PITPNA: variants seen among roughly 807,000 people sequenced by gnomAD.
PITPNA encodes phosphatidylinositol transfer protein alpha isoform.
Under a neutral mutation model 50.3 loss-of-function variants are expected in PITPNA, and 13 were observed. The observed-to-expected ratio is 0.26, with a 90% CI of 0.17 to 0.41. The LOEUF is 0.41. Ranked by LOEUF, PITPNA falls within the 10% of genes least tolerant of loss-of-function variation. The pLI is 1.00. For missense variants in PITPNA, 207 were observed against 333.4 expected (o/e 0.62, Z 2.95); for synonymous variants, 120 against 119.6 (o/e 1.00, Z -0.02).
At chr17:1,533,173 T>A (rs188469170) in intron 10 of PITPNA, among the ~76,000 whole-genome samples, 11 of 152,320 alleles carry the variant, frequency 7.2e-5, no homozygotes, top group African/African-American at 2.4e-4. Context: ...GCAGTTCTTA[T>A]GAAACAGAGC....
chr17:1,560,451 G>A (rs912927760), intron 1 of PITPNA, among the ~76,000 whole-genome samples: 10 of 152,160 alleles, frequency 6.6e-5, no homozygotes, highest in African/African-American at 9.7e-5. Context: ...GGCACGAGTC[G>A]GGCAGGAAGG....
intron 4 of PITPNA, among the ~76,000 whole-genome samples, chr17:1,544,673 C>T (rs1567583378): frequency 1.3e-5 from 2 of 152,244 alleles, no homozygotes; most frequent in South Asian, 4.1e-4. Flanking sequence ...CACGGTGGCT[C>T]CCGCCTGGAA....
At chr17:1,536,888 C>T (rs1030537374) in intron 7 of PITPNA, among the ~76,000 whole-genome samples, 24 of 147,886 alleles carry the variant, frequency 1.6e-4, no homozygotes, top group East Asian at 2.0e-4. Flanking sequence ...TCACTATGTC[C>T]GGCCGATTTT....
intron 6 of PITPNA, among the ~76,000 whole-genome samples, chr17:1,540,459 A>G (rs1367644056): frequency 1.3e-5 from 2 of 152,188 alleles, no homozygotes; most frequent in Admixed American, 6.5e-5. Context: ...ACCTTGTTTC[A>G]TAACTTCCAT....
At chr17:1,550,455 A>G (rs1159471148) in intron 3 of PITPNA, among the ~76,000 whole-genome samples, 3 of 152,150 alleles carry the variant, frequency 2.0e-5, no homozygotes, top group African/African-American at 7.2e-5. Context: ...GAAAAGAGGG[A>G]CAAGTTCAGA....
intron 3 of PITPNA, 46 bp downstream of exon 3, chr17:1,552,954 TCACA>T: frequency 1.9e-6 from 3 of 1,582,052 alleles, no homozygotes; most frequent in Non-Finnish European, 2.6e-6. Context: ...TAACACTCAT[TCACA>T]CACACACAAA....
At chr17:1,543,415 C>A (rs1482012654) in intron 4 of PITPNA, among the ~76,000 whole-genome samples, 1 of 152,184 alleles carries the variant, frequency 6.6e-6, no homozygotes, top group Non-Finnish European at 1.5e-5. Context: ...GGGCACAGAG[C>A]AGGGTGCTTT....
At position 1,535,449 on chromosome 17, in the gene PITPNA, T is replaced by G. The variant is rs1567579452; in HGVS notation, c.526A>C (p.Asn176His). ...GAAGGTGTGAATGGTACCTTCCAATTGGGGCCCAAGGGTCCTCGGCCTGTT... is the reference window on the plus strand; with the variant it reads ...GAAGGTGTGAATGGTACCTTCCAATGGGGGCCCAAGGGTCCTCGGCCTGTT... ...IKTGRGPLGP[N>H]WKQELVNQKD... is the part of the protein sequence containing the mutation. The change falls in exon 8 of 12, where the codon AAT becomes CAT. Residue 176 changes from asparagine to histidine, a missense_variant. Physicochemically the swap from Asn to His is moderately conservative, Grantham distance 68. Transcript: ENST00000313486. 2 of 1,612,682 alleles carry G rather than the reference T, an allele frequency of 1.2e-6. No individual in the cohort carries two copies.
At chr17:1,521,119 G>C (rs1041720260) in intron 11 of PITPNA, among the ~76,000 whole-genome samples, 2 of 152,200 alleles carry the variant, frequency 1.3e-5, no homozygotes, top group African/African-American at 4.8e-5. Context: ...GTATGGGATC[G>C]GGGGTATAAA....
chr17:1,548,002 T>A lies in PITPNA; in HGVS notation c.289+294A>T, dbSNP rs543379479. 7.2e-5 allele frequency among the ~76,000 whole-genome samples: 11 copies of A among 152,046 alleles called. No homozygotes were observed. The East Asian group carries it at 9.7e-4, about 13-fold the overall frequency. Reference sequence around the variant, plus strand: ...GAGCGAGACTCCATCTCCCAAAAAATAAATAAATAAATAAAAATGACTAGA... The same window carrying A: ...GAGCGAGACTCCATCTCCCAAAAAAAAAATAAATAAATAAAAATGACTAGA... On this transcript the variant is annotated intron_variant, in intron 4 of 11. Coordinates refer to ENST00000313486, the MANE Select transcript of PITPNA (RefSeq NM_006224.4).
chr17:1,521,808 G>T (rs2075514685), intron 10 of PITPNA, among the ~76,000 whole-genome samples, 163 bp from the exon 11 acceptor site: 1 of 151,446 alleles, frequency 6.6e-6, no homozygotes, highest in African/African-American at 2.4e-5. Context: ...TACATTTCCA[G>T]ATCTGTGTCA....
intron 10 of PITPNA, among the ~76,000 whole-genome samples, chr17:1,533,600 TC>T (rs1457020686): frequency 6.6e-6 from 1 of 152,134 alleles, no homozygotes; most frequent in Non-Finnish European, 1.5e-5. Context: ...GAACCCTCCT[TC>T]TGCGATCCAC....
In PITPNA at chr17:1,519,057, A is replaced by G. The variant is rs2075492351; in HGVS notation, c.*1504T>C. On this transcript the variant is annotated 3_prime_UTR_variant, in exon 12 of 12. Transcript: ENST00000313486. ...CCCTTGCCCCAGGAGGGCCACAGGG[A>G]AGCATCCATCAGGATGTCACAGGTG... is the stretch of plus-strand genomic sequence containing the variant. 6.6e-6 allele frequency: 1 copy of G among 151,808 alleles called. No homozygotes were observed. Among genetic ancestry groups the G allele is most frequent in the African/African-American group, 2.4e-5 (1 of 41,410 alleles). 9.4% of individuals were successfully genotyped at this position (151,808 alleles called of 1,614,324 possible).
chr17:1,524,206 G>A (rs149061234), intron 10 of PITPNA, among the ~76,000 whole-genome samples: 80 of 151,286 alleles, frequency 5.3e-4, no homozygotes, highest in African/African-American at 1.6e-3. Context: ...CAACACGCCC[G>A]GCTAATTTTT....
intron 2 of PITPNA, among the ~76,000 whole-genome samples, chr17:1,556,869 G>GA (rs1178924005): frequency 2.6e-5 from 4 of 152,196 alleles, no homozygotes; most frequent in Non-Finnish European, 4.4e-5. Context: ...CTGGGAGGCT[G>GA]AGGCAGGAGG....
At chr17:1,524,294 T>C (rs1294295463) in intron 10 of PITPNA, among the ~76,000 whole-genome samples, 4 of 150,098 alleles carry the variant, frequency 2.7e-5, no homozygotes, top group Non-Finnish European at 4.4e-5. Flanking sequence ...TCCGCCCGCC[T>C]TGGCCTCCCA....
intron 7 of PITPNA, chr17:1,535,869 C>T (rs2075612866): frequency 3.8e-6 from 1 of 262,882 alleles, no homozygotes; most frequent in Non-Finnish European, 7.3e-6. Context: ...TTTTGAGTCA[C>T]TCCAACTAAA....
chr17:1,547,174 ACATGGTGAGACCC>A (rs1179611803), intron 4 of PITPNA, among the ~76,000 whole-genome samples: 2 of 149,860 alleles, frequency 1.3e-5, no homozygotes, highest in Non-Finnish European at 3.0e-5. Context: ...AGCCTGGGCA[ACATGGTGAGACCC>A]CATCTCTCCA....
At chr17:1,534,738 C>CT (rs2151005821) in intron 9 of PITPNA, among the ~76,000 whole-genome samples, 1 of 152,364 alleles carries the variant, frequency 6.6e-6, no homozygotes, top group East Asian at 1.9e-4. Flanking sequence ...AAAAGAAAGA[C>CT]TGAGTTTTAT....
Sources: allele counts gnomAD v4.1 joint callset (sites outside exome capture counted in the v4.1 genomes callset), GRCh38; gene constraint gnomAD v4.1.1; transcripts MANE v1.5; gene names NCBI Gene and HGNC (gene_info 2026-07-23, HGNC 2026-07-21).